Variants in ROBO1 observed in about 807,000 individuals in gnomAD.
The protein encoded by ROBO1 is roundabout homolog 1.
A neutral mutation model predicts 195.9 loss-of-function variants in ROBO1; 149 were observed. The ratio of observed to expected loss-of-function variants is 0.76; its 90% CI spans 0.67 to 0.87. The LOEUF (loss-of-function observed/expected upper bound fraction) is 0.87, where lower values mean the gene tolerates loss of function less well. Among genes scored for constraint, ROBO1 ranks in the 40% least tolerant of loss-of-function variants. The probability of loss-of-function intolerance (pLI) is 0.00; values close to 1 mark genes in which losing one functional copy is unlikely to be tolerated. For synonymous variants in ROBO1, 816 were observed against 733.2 expected (o/e 1.11, Z -1.82); for missense variants, 1,933 against 2,068.3 (o/e 0.93, Z 1.27).
chr3:78,629,076 C>A (rs1181328779), intron 25 of ROBO1, among the ~76,000 whole-genome samples: 1 of 151,810 alleles, frequency 6.6e-6, no homozygotes. Context: ...ATCTGGCTTA[C>A]ATTTGCTGTC....
chr3:79,597,817 A>G (rs899335064), intron 1 of ROBO1, among the ~76,000 whole-genome samples: 1 of 152,092 alleles, frequency 6.6e-6, no homozygotes, highest in East Asian at 1.9e-4. Context: ...GAGTGATGAC[A>G]AGGCAAAGAC....
At chr3:79,741,439 A>T (rs1213567049) in intron 1 of ROBO1, among the ~76,000 whole-genome samples, 1 of 151,940 alleles carries the variant, frequency 6.6e-6, no homozygotes, top group Non-Finnish European at 1.5e-5. Flanking sequence ...GCTTTCTGTC[A>T]CCAGAACTCA....
intron 2 of ROBO1, among the ~76,000 whole-genome samples, chr3:79,500,810 T>A (rs1306367226): frequency 1.3e-5 from 2 of 152,186 alleles, no homozygotes; most frequent in Non-Finnish European, 2.9e-5. Context: ...GGCTAATATA[T>A]CATCTATTCC....
chr3:79,604,823 C>T (rs755517277), intron 1 of ROBO1, among the ~76,000 whole-genome samples: 4 of 151,852 alleles, frequency 2.6e-5, no homozygotes, highest in Non-Finnish European at 4.4e-5. Flanking sequence ...CTCATCGCTG[C>T]CTTTTGAATA....
chr3:78,661,163 C>G lies in ROBO1; in HGVS notation c.2187G>C (p.Arg729Ser). The G allele has an allele frequency of 6.2e-7, 1 of 1,613,624 alleles. No homozygotes were observed. The highest frequency in any genetic ancestry group is 8.5e-7 in the Non-Finnish European group (1 of 1,179,748). The change falls in exon 16 of 31, where the codon AGG becomes AGC. Residue 729 changes from arginine (R) to serine (S), a missense_variant. By Grantham distance (110) the Arg-to-Ser change is moderately radical (BLOSUM62 -1). This residue lies in a region of ROBO1 where 1,737 missense variants were observed against 1,882.5 expected (regional missense o/e 0.92). Transcript: ENST00000464233. ...TTACCACACTGTTTTTGGCTGGCGT[C>G]CTCACTTCAAAAACTAACCAGTCTG... The part of the protein sequence containing the change: ...GESDWLVFEV[R>S]TPAKNSVVIP...
intron 2 of ROBO1, among the ~76,000 whole-genome samples, chr3:79,325,889 C>T (rs1287675199): frequency 6.6e-6 from 1 of 152,142 alleles, no homozygotes; most frequent in Non-Finnish European, 1.5e-5. Context: ...AGCCATATTT[C>T]TCTTCTTTGA....
chr3:79,449,461 A>G (rs1305182342), intron 2 of ROBO1, among the ~76,000 whole-genome samples: 1 of 152,134 alleles, frequency 6.6e-6, no homozygotes, highest in East Asian at 1.9e-4. Context: ...GCTTATTAAA[A>G]AAGAATATAT....
At chr3:79,006,686 T>A (rs2077628776) in intron 3 of ROBO1, among the ~76,000 whole-genome samples, 2 of 5,866 alleles carry the variant, frequency 3.4e-4, no homozygotes, top group Non-Finnish European at 1.2e-3. Context: ...TCCTTGGCCC[T>A]AATACAAGCA....
chr3:78,850,892 C>A (rs1390267949), intron 4 of ROBO1, among the ~76,000 whole-genome samples: 1 of 151,874 alleles, frequency 6.6e-6, no homozygotes, highest in Non-Finnish European at 1.5e-5. Context: ...CTGCAACCTC[C>A]GCCTCCTGGG....
chr3:79,616,862 G>A (rs1483636768), intron 1 of ROBO1, among the ~76,000 whole-genome samples: 2 of 152,110 alleles, frequency 1.3e-5, no homozygotes, highest in African/African-American at 4.8e-5. Context: ...TTGTGCTCAT[G>A]TCCCACTCCA....
chr3:78,896,165 G>C (rs1346446665), intron 4 of ROBO1, among the ~76,000 whole-genome samples: 1 of 152,050 alleles, frequency 6.6e-6, no homozygotes, highest in African/African-American at 2.4e-5. Flanking sequence ...TATAGGTATG[G>C]TGATTGTACC....
At chr3:79,317,724 C>T (rs141434709) in intron 2 of ROBO1, among the ~76,000 whole-genome samples, 1,896 of 152,154 alleles carry the variant, frequency 0.012, 18 homozygotes, top group Middle Eastern at 0.034. Flanking sequence ...GCTCACATGT[C>T]CTCATTTTGA....
chr3:78,720,414 G>A (rs2082012782), intron 5 of ROBO1, among the ~76,000 whole-genome samples: 1 of 152,198 alleles, frequency 6.6e-6, no homozygotes, highest in South Asian at 2.1e-4. Flanking sequence ...ACACCAGTTA[G>A]AATGGCGATC....
At chr3:79,479,612 C>T (rs1242410085) in intron 2 of ROBO1, among the ~76,000 whole-genome samples, 2 of 152,078 alleles carry the variant, frequency 1.3e-5, no homozygotes, top group African/African-American at 4.8e-5. Context: ...ATCTGTCAAA[C>T]CTTTGGAAAG....
At chr3:79,099,934 C>T (rs528790750) in intron 3 of ROBO1, among the ~76,000 whole-genome samples, 43 of 151,756 alleles carry the variant, frequency 2.8e-4, no homozygotes, top group Admixed American at 2.6e-3. Flanking sequence ...TGGAAGGAGA[C>T]CAGTAAATTT....
intron 10 of ROBO1, among the ~76,000 whole-genome samples, chr3:78,675,919 C>T (rs1443552492): frequency 6.6e-6 from 1 of 152,106 alleles, no homozygotes; most frequent in Non-Finnish European, 1.5e-5. Context: ...AACTGGGAGG[C>T]ACCCCCAAGT....
At chr3:79,294,614 T>C (rs2109039103) in intron 2 of ROBO1, among the ~76,000 whole-genome samples, 1 of 152,156 alleles carries the variant, frequency 6.6e-6, no homozygotes, top group East Asian at 1.9e-4. Flanking sequence ...CTAATTAAAC[T>C]GAAGAGCCTC....
chr3:79,542,787 C>T (rs946822184), intron 2 of ROBO1, among the ~76,000 whole-genome samples: 4 of 151,994 alleles, frequency 2.6e-5, no homozygotes, highest in Non-Finnish European at 4.4e-5. Flanking sequence ...TTCCATAACT[C>T]GGTTCCTTTC....
At chr3:79,353,400 AACACACACACAC>A (rs10608740) in intron 2 of ROBO1, among the ~76,000 whole-genome samples, 2 of 148,124 alleles carry the variant, frequency 1.4e-5, no homozygotes, top group East Asian at 2.0e-4. Flanking sequence ...CACAGAAACA[AACACACACACAC>A]ACACACACAC....
Sources: gnomAD v4.1 joint callset for allele counts (sites outside exome capture counted in the v4.1 genomes callset) on GRCh38, gnomAD v4.1.1 for gene constraint, gnomAD v4.1.1 regional missense constraint, MANE v1.5 for transcripts, NCBI Gene and HGNC (gene_info 2026-07-23, HGNC 2026-07-21) for gene names.